The following NCOR1 variants were observed in gnomAD, a reference collection of about 807,000 sequenced individuals.
NCOR1 encodes protein phosphatase 1, regulatory subunit 109.
NCOR1 carries 63 observed loss-of-function variants against 288.1 expected under a neutral mutation model. The observed-to-expected ratio is 0.22, with a 90% CI of 0.18 to 0.27. The LOEUF (loss-of-function observed/expected upper bound fraction) is 0.27. NCOR1 is among the 10% of genes least tolerant of loss of function. The probability of loss-of-function intolerance (pLI) is 1.00; values close to 1 mark genes in which losing one functional copy is unlikely to be tolerated. For synonymous variants in NCOR1, 1,007 were observed against 1,065.9 expected (o/e 0.94, Z 1.08); for missense variants, 2,397 against 3,019.2 (o/e 0.79, Z 4.83).
intron 41 of NCOR1, among the ~76,000 whole-genome samples, chr17:16,047,999 T>A (rs759582469): frequency 6.6e-6 from 1 of 152,220 alleles, no homozygotes; most frequent in South Asian, 2.1e-4. Context: ...AAAGTAGCAA[T>A]ATCTGTTTAG....
At chr17:16,086,801 C>T (rs139003205) in intron 22 of NCOR1, among the ~76,000 whole-genome samples, 16 of 152,318 alleles carry the variant, frequency 1.1e-4, no homozygotes, top group African/African-American at 2.6e-4. Flanking sequence ...TCAGAGAATG[C>T]GCAGACATGA....
intron 21 of NCOR1, among the ~76,000 whole-genome samples, chr17:16,096,230 T>A (rs1472727527): frequency 6.6e-6 from 1 of 152,166 alleles, no homozygotes; most frequent in Admixed American, 6.5e-5. Flanking sequence ...GTTTGTCTGC[T>A]GACCTTCCCT....
At chr17:16,085,884 C>T (rs2064151166) in intron 23 of NCOR1, among the ~76,000 whole-genome samples, 1 of 152,092 alleles carries the variant, frequency 6.6e-6, no homozygotes, top group African/African-American at 2.4e-5. Flanking sequence ...GATTTAGTGG[C>T]CAAAGTCAGA....
chr17:16,089,716 GA>G (rs1363927694), intron 22 of NCOR1, among the ~76,000 whole-genome samples: 1 of 152,008 alleles, frequency 6.6e-6, no homozygotes, highest in African/African-American at 2.4e-5. Flanking sequence ...ACTGTTCTAT[GA>G]GGTTAAATTT....
chr17:16,131,305 T>C (rs2075601311), intron 14 of NCOR1, among the ~76,000 whole-genome samples: 1 of 152,188 alleles, frequency 6.6e-6, no homozygotes, highest in Non-Finnish European at 1.5e-5. Flanking sequence ...GGATTACTAG[T>C]GTAAGCCACA....
rs1238215764 is a variant in NCOR1, at chr17:16,169,825, T to C, written c.435+1978A>G. ...TGTATTCAGCCATGGAAGATGACCT[T>C]TATTCACTATATTTTTAAATTTCTT... On this transcript the variant is annotated intron_variant, in intron 4 of 45. Transcript: ENST00000268712. Among the ~76,000 whole-genome samples the C allele has an allele frequency of 1.3e-5, 2 of 152,326 alleles. 1 individual carries two copies. Among genetic ancestry groups the C allele is most frequent in the Admixed American group, 1.3e-4 (2 of 15,298 alleles).
At chr17:16,138,987 A>G (rs1458061781) in intron 12 of NCOR1, 21 bp downstream of exon 12, 2 of 1,456,680 alleles carry the variant, frequency 1.4e-6, no homozygotes, top group East Asian at 5.0e-5. Context: ...CTATTAGAGA[A>G]TAATTTAAAA....
rs144409401 is a variant in NCOR1 at position 16,045,810 on chromosome 17, T to TA, written c.6679+1140dup. Among the ~76,000 whole-genome samples the TA allele has an allele frequency of 9.1e-3, 1,359 of 149,750 alleles. 21 individuals carry two copies. Among genetic ancestry groups the TA allele is most frequent in the African/African-American group, 0.031 (1,248 of 39,888 alleles). ...CGTGAGCCACCACACCCAGACAATTTAAAAAAAATTTTTTTTTTTTTCTTG... is the reference window on the plus strand; with the variant it reads ...CGTGAGCCACCACACCCAGACAATTTAAAAAAAAATTTTTTTTTTTTTCTTG... On this transcript the variant is annotated intron_variant, in intron 42 of 45. Transcript: ENST00000268712.
chr17:16,130,952 G>A (rs2075519976), intron 14 of NCOR1, among the ~76,000 whole-genome samples: 1 of 150,802 alleles, frequency 6.6e-6, no homozygotes, highest in Non-Finnish European at 1.5e-5. Flanking sequence ...GCCTCCCAAA[G>A]TGCTGGGACT....
intron 3 of NCOR1, among the ~76,000 whole-genome samples, chr17:16,186,303 C>T (rs939901016): frequency 6.6e-6 from 1 of 152,158 alleles, no homozygotes; most frequent in Non-Finnish European, 1.5e-5. Flanking sequence ...GTCTATAGAA[C>T]ATAACCAAGG....
At chr17:16,051,868 G>A (rs911835843) in intron 40 of NCOR1, among the ~76,000 whole-genome samples, 3 of 152,130 alleles carry the variant, frequency 2.0e-5, no homozygotes, top group African/African-American at 4.8e-5. Flanking sequence ...CTGAGATCGC[G>A]CCATTGCATT....
chr17:16,207,031 C>T (rs749247548), intron 1 of NCOR1, among the ~76,000 whole-genome samples: 21 of 152,160 alleles, frequency 1.4e-4, no homozygotes, highest in Non-Finnish European at 2.6e-4. Flanking sequence ...TCCCCCCCAA[C>T]AGAATGTATA....
intron 4 of NCOR1, among the ~76,000 whole-genome samples, chr17:16,168,404 C>A (rs1410495117): frequency 6.6e-6 from 1 of 151,712 alleles, no homozygotes. Flanking sequence ...TTTCACCATG[C>A]TGGGCAGGTT....
chr17:16,137,692 C>A, intron 13 of NCOR1: 1 of 251,438 alleles, frequency 4.0e-6, no homozygotes, highest in Non-Finnish European at 7.4e-6. Context: ...AGTAAATTCC[C>A]TTTCTGATTA....
At chr17:16,033,942 C>A (rs552379680) in intron 45 of NCOR1, among the ~76,000 whole-genome samples, 6 of 152,208 alleles carry the variant, frequency 3.9e-5, no homozygotes, top group African/African-American at 1.4e-4. Flanking sequence ...GTGATCTGCC[C>A]GCCTCAGCCT....
chr17:16,147,012 G>T (rs558192646), intron 9 of NCOR1, among the ~76,000 whole-genome samples: 3 of 152,228 alleles, frequency 2.0e-5, no homozygotes, highest in Admixed American at 1.3e-4. Flanking sequence ...TCTATTATTG[G>T]AGGTTCTGGT....
At chr17:16,146,159 A>G (rs369029999) in intron 10 of NCOR1, among the ~76,000 whole-genome samples, 145 of 152,250 alleles carry the variant, frequency 9.5e-4, no homozygotes, top group East Asian at 6.8e-3. Flanking sequence ...CAAACACTGC[A>G]GAAGGCCGCA....
At chr17:16,070,827 C>T (rs924481254) in intron 30 of NCOR1, among the ~76,000 whole-genome samples, 3 of 152,090 alleles carry the variant, frequency 2.0e-5, no homozygotes, top group African/African-American at 7.2e-5. Flanking sequence ...GTCAGGAGTT[C>T]GAAACCAGCC....
rs1420419847 is a variant in NCOR1 at position 16,127,136 on chromosome 17, TAC to T, written c.1510-932_1510-931del. Among the ~76,000 whole-genome samples, 3 of 131,396 alleles carry T rather than the reference TAC, an allele frequency of 2.3e-5. No homozygotes were observed. In the East Asian group the frequency reaches 6.6e-4, roughly 29 times the overall value. The allele number at this position is 131,396 out of a possible 152,430, so 86.2% of individuals were successfully genotyped here. A position where few individuals can be genotyped will look rare whatever the true frequency, so the allele number is the denominator to read the frequency against. On this transcript the variant is annotated intron_variant, in intron 14 of 45. Coordinates refer to ENST00000268712, the MANE Select transcript of NCOR1 (RefSeq NM_006311.4). ...ATATGTATATATCTGTATGTATATATACATGTATGTATATATCTGTATGTATA... is the reference window on the plus strand; with the variant it reads ...ATATGTATATATCTGTATGTATATATATGTATGTATATATCTGTATGTATA...
Sources: allele counts gnomAD v4.1 joint callset (sites outside exome capture counted in the v4.1 genomes callset), GRCh38; gene constraint gnomAD v4.1.1; transcripts MANE v1.5; gene names NCBI Gene and HGNC (gene_info 2026-07-23, HGNC 2026-07-21).